The following PHF21A variants were observed in gnomAD, a reference collection of about 807,000 sequenced individuals.
PHF21A encodes the protein BHC80a.
PHF21A carries 11 observed loss-of-function variants against 82.5 expected under a neutral mutation model. The observed-to-expected ratio is 0.13, with a 90% CI of 0.08 to 0.22. The LOEUF (loss-of-function observed/expected upper bound fraction) is 0.22, where lower values mean the gene tolerates loss of function less well. PHF21A is among the 10% of genes least tolerant of loss of function. PHF21A has a pLI of 1.00. For synonymous variants in PHF21A, 297 were observed against 302.8 expected (o/e 0.98, Z 0.20); for missense variants, 579 against 837.8 (o/e 0.69, Z 3.81).
chr11:46,038,861 G>A (rs1292046228), intron 6 of PHF21A, among the ~76,000 whole-genome samples: 1 of 152,114 alleles, frequency 6.6e-6, no homozygotes, highest in African/African-American at 2.4e-5. Context: ...ACCTCTTAAA[G>A]GCCCCATCTT....
chr11:45,961,885 T>C (rs1242857306), intron 10 of PHF21A, among the ~76,000 whole-genome samples: 2 of 152,226 alleles, frequency 1.3e-5, no homozygotes, highest in African/African-American at 2.4e-5. Context: ...CTTCAAAGAT[T>C]TTTAAACCCT....
chr11:46,066,464 G>C (rs1482561510), intron 6 of PHF21A, among the ~76,000 whole-genome samples: 1 of 152,150 alleles, frequency 6.6e-6, no homozygotes, highest in Non-Finnish European at 1.5e-5. Context: ...TACCTGGAAG[G>C]CTGAGTCAGA....
intron 15 of PHF21A, among the ~76,000 whole-genome samples, chr11:45,939,771 CAAAAAAAA>C (rs56931455): frequency 1.7e-4 from 10 of 60,386 alleles, no homozygotes; most frequent in Non-Finnish European, 2.8e-4. Flanking sequence ...GAACATAGCC[CAAAAAAAA>C]AAAAAAAAAA....
At chr11:46,025,118 C>G (rs945973315) in intron 6 of PHF21A, among the ~76,000 whole-genome samples, 1 of 151,804 alleles carries the variant, frequency 6.6e-6, no homozygotes, top group African/African-American at 2.4e-5. Flanking sequence ...GGAGCTTTCT[C>G]TGAAAGAGAT....
At position 45,965,383 on chromosome 11, in the gene PHF21A, C is replaced by G. The variant is rs909170940; in HGVS notation, c.928G>C (p.Ala310Pro). ...PMAQLTSIVI[A>P]TPGTRLAGPQ... is the part of the protein sequence containing the mutation. Reference sequence around the variant, plus strand: ...CCAGCGAGTCTGGTCCCTGGAGTAGCTATCACAATGCTGGTGAGCTGGGCC... The same window carrying G: ...CCAGCGAGTCTGGTCCCTGGAGTAGGTATCACAATGCTGGTGAGCTGGGCC... The change falls in exon 10 of 19, where the codon GCT (alanine) becomes CCT (proline). Residue 310 changes from alanine to proline, a missense_variant. By Grantham distance (27) the Ala-to-Pro change is conservative (BLOSUM62 -1). Coordinates refer to ENST00000676320, the MANE Select transcript of PHF21A (RefSeq NM_001352027.3). The G allele has an allele frequency of 3.1e-6, 5 of 1,614,142 alleles. No individual in the cohort carries two copies. The highest frequency in any genetic ancestry group is 4.2e-6 in the Non-Finnish European group (5 of 1,180,018).
At chr11:46,052,737 T>C (rs573808100) in intron 6 of PHF21A, among the ~76,000 whole-genome samples, 6 of 152,334 alleles carry the variant, frequency 3.9e-5, no homozygotes, top group Admixed American at 3.3e-4. Context: ...GAAATCTTTA[T>C]CAAAGCAGTT....
chr11:46,118,851 C>G (rs186790824), intron 1 of PHF21A: 1 of 152,310 alleles, frequency 6.6e-6, no homozygotes, highest in Admixed American at 6.5e-5. Context: ...GGGGGCCAGT[C>G]TTCAAAGACC....
At chr11:45,991,198 T>G (rs188974876) in intron 6 of PHF21A, among the ~76,000 whole-genome samples, 2 of 152,390 alleles carry the variant, frequency 1.3e-5, no homozygotes, top group East Asian at 3.9e-4. Context: ...TCTATGTTTT[T>G]CATGGTTTGA....
chr11:46,048,694 C>T (rs1163663843), intron 6 of PHF21A, among the ~76,000 whole-genome samples: 4 of 151,962 alleles, frequency 2.6e-5, no homozygotes, highest in African/African-American at 9.7e-5. Flanking sequence ...CGCTTGAACC[C>T]GGGAGGCAGA....
At chr11:46,117,293 A>G (rs1851611954) in intron 1 of PHF21A, 1 of 152,232 alleles carries the variant, frequency 6.6e-6, no homozygotes, top group Non-Finnish European at 1.5e-5. Context: ...CAGTGGCATG[A>G]TATTTTCAGT....
At chr11:45,981,382 A>T (rs1440125649) in intron 6 of PHF21A, among the ~76,000 whole-genome samples, 2 of 141,350 alleles carry the variant, frequency 1.4e-5, no homozygotes, top group Non-Finnish European at 3.1e-5. Flanking sequence ...GACAGAGTGA[A>T]ACCCTGTCTC....
intron 4 of PHF21A, among the ~76,000 whole-genome samples, chr11:46,081,308 T>C (rs1157866578): frequency 1.3e-5 from 2 of 152,148 alleles, no homozygotes; most frequent in Non-Finnish European, 2.9e-5. Context: ...AAACAATACA[T>C]ATTCCAAGAG....
At chr11:45,970,111 T>C in intron 8 of PHF21A, 1 of 519,958 alleles carries the variant, frequency 1.9e-6, no homozygotes. Context: ...CCAACCACAC[T>C]TCTGTTTCCT....
intron 7 of PHF21A, among the ~76,000 whole-genome samples, chr11:45,976,230 A>G (rs2094015897): frequency 6.6e-6 from 1 of 152,102 alleles, no homozygotes; most frequent in Admixed American, 6.6e-5. Flanking sequence ...TTGCTCTATC[A>G]CTAAAATCCC....
chr11:46,023,244 C>T (rs1432847820), intron 6 of PHF21A, among the ~76,000 whole-genome samples: 1 of 152,194 alleles, frequency 6.6e-6, no homozygotes, highest in Non-Finnish European at 1.5e-5. Flanking sequence ...GGTTTCTTAG[C>T]CTTCCATAAG....
chr11:45,961,919 A>C (rs2093108840), intron 10 of PHF21A, among the ~76,000 whole-genome samples: 1 of 152,226 alleles, frequency 6.6e-6, no homozygotes, highest in Admixed American at 6.5e-5. Context: ...TCAGAGCCAC[A>C]GTGTAACGTG....
intron 6 of PHF21A, among the ~76,000 whole-genome samples, chr11:46,029,458 C>CGG (rs1375309030): frequency 1.3e-5 from 2 of 152,112 alleles, no homozygotes; most frequent in Admixed American, 6.6e-5. Flanking sequence ...GAGGCCAAGG[C>CGG]GGGCAGATCA....
chr11:46,078,000 C>A (rs372279969), intron 5 of PHF21A, among the ~76,000 whole-genome samples: 2 of 152,270 alleles, frequency 1.3e-5, no homozygotes, highest in East Asian at 3.9e-4. Context: ...CAACCTCTGC[C>A]TCCCAGGTTC....
intron 6 of PHF21A, 22 bp downstream of exon 6, chr11:46,076,731 GC>G (rs2096730499): frequency 6.3e-7 from 1 of 1,586,164 alleles, no homozygotes; most frequent in Non-Finnish European, 8.6e-7. Context: ...TTAAAAATAT[GC>G]CCCCCTCCCC....
Sources: allele counts gnomAD v4.1 joint callset (sites outside exome capture counted in the v4.1 genomes callset), GRCh38; gene constraint gnomAD v4.1.1; transcripts MANE v1.5; gene names NCBI Gene and HGNC (gene_info 2026-07-23, HGNC 2026-07-21).